PBX3: variants seen among roughly 807,000 people sequenced by gnomAD.
PBX3 encodes the protein pre-B-cell leukemia transcription factor 3.
Under a neutral mutation model 48.5 loss-of-function variants are expected in PBX3, and 14 were observed. That is an observed-to-expected ratio of 0.29 (90% CI 0.19 to 0.45). The LOEUF is 0.45. PBX3 is among the 20% of genes least tolerant of loss of function. PBX3 has a pLI of 1.00. For missense variants in PBX3, 386 were observed against 546.7 expected (o/e 0.71, Z 2.93); for synonymous variants, 210 against 200.3 (o/e 1.05, Z -0.41).
chr9:125,851,204 A>G (rs1275524624), intron 2 of PBX3, among the ~76,000 whole-genome samples: 1 of 152,148 alleles, frequency 6.6e-6, no homozygotes, highest in African/African-American at 2.4e-5. Context: ...CAGTTCCTCT[A>G]TCAGCTAATA....
chr9:125,781,617 G>C (rs1260198816), intron 2 of PBX3, among the ~76,000 whole-genome samples: 1 of 151,720 alleles, frequency 6.6e-6, no homozygotes, highest in Non-Finnish European at 1.5e-5. Flanking sequence ...AGAGGCAGAG[G>C]CAGAACCTGA....
intron 2 of PBX3, among the ~76,000 whole-genome samples, chr9:125,772,684 C>T (rs772962078): frequency 7.9e-5 from 12 of 152,198 alleles, no homozygotes; most frequent in Non-Finnish European, 1.3e-4. Flanking sequence ...AATGTATGTA[C>T]AGGACCTAAT....
chr9:125,811,932 G>C (rs1358464191), intron 2 of PBX3, among the ~76,000 whole-genome samples: 1 of 152,156 alleles, frequency 6.6e-6, no homozygotes, highest in African/African-American at 2.4e-5. Context: ...GTATTAAGGG[G>C]TGGGATCTTT....
chr9:125,918,255 G>T (rs1389618955), intron 3 of PBX3, among the ~76,000 whole-genome samples: 1 of 152,164 alleles, frequency 6.6e-6, no homozygotes, highest in Non-Finnish European at 1.5e-5. Context: ...TGTGAAGCTG[G>T]TGTCAGTCAA....
intron 2 of PBX3, among the ~76,000 whole-genome samples, chr9:125,851,391 T>TA (rs958749145): frequency 2.0e-4 from 31 of 152,176 alleles, no homozygotes; most frequent in South Asian, 4.1e-4. Context: ...ACAGCCTAGG[T>TA]AAAAAAGACA....
At chr9:125,929,944 G>T in intron 4 of PBX3, 99 bp downstream of exon 4, 3 of 860,582 alleles carry the variant, frequency 3.5e-6, no homozygotes, top group Non-Finnish European at 5.6e-6. Context: ...AGATTCTTTT[G>T]GCCATATGAG....
intron 2 of PBX3, among the ~76,000 whole-genome samples, chr9:125,900,907 T>C (rs1840930429): frequency 6.6e-6 from 1 of 151,724 alleles, no homozygotes; most frequent in South Asian, 2.1e-4. Flanking sequence ...GGAGATACTT[T>C]GTTGTTCAAT....
chr9:125,947,577 G>A (rs1842093471), intron 5 of PBX3, among the ~76,000 whole-genome samples: 1 of 151,958 alleles, frequency 6.6e-6, no homozygotes, highest in Middle Eastern at 3.2e-3. Flanking sequence ...TTTAAAATAA[G>A]CAGTCTAAAA....
chr9:125,773,420 G>A (rs1011464263), intron 2 of PBX3, among the ~76,000 whole-genome samples: 4 of 152,108 alleles, frequency 2.6e-5, no homozygotes, highest in African/African-American at 9.7e-5. Context: ...CCTATCTTAT[G>A]TGCTCCAGTA....
chr9:125,770,777 GACA>G (rs1836920924), intron 2 of PBX3, among the ~76,000 whole-genome samples: 1 of 152,124 alleles, frequency 6.6e-6, no homozygotes, highest in African/African-American at 2.4e-5. Context: ...GGAAATATTT[GACA>G]ACATTAGCAA....
chr9:125,935,949 C>T (rs1841826467), intron 5 of PBX3, among the ~76,000 whole-genome samples: 2 of 152,116 alleles, frequency 1.3e-5, no homozygotes, highest in Admixed American at 1.3e-4. Flanking sequence ...GATGACTGAC[C>T]TAAGCTTCTA....
chr9:125,953,237 C>G (rs964413733), intron 5 of PBX3, among the ~76,000 whole-genome samples: 3 of 152,060 alleles, frequency 2.0e-5, no homozygotes, highest in East Asian at 1.9e-4. Flanking sequence ...GGGGCCAGCA[C>G]TTTGGGAGAT....
intron 2 of PBX3, among the ~76,000 whole-genome samples, chr9:125,813,710 T>C (rs903296616): frequency 6.6e-6 from 1 of 152,110 alleles, no homozygotes; most frequent in Non-Finnish European, 1.5e-5. Flanking sequence ...CTTTGCCTTG[T>C]CCTAGCCCTG....
chr9:125,797,398 G>A (rs1243894944), intron 2 of PBX3: 2 of 151,988 alleles, frequency 1.3e-5, no homozygotes, highest in African/African-American at 4.8e-5. Flanking sequence ...TTTTCAGAAT[G>A]TCCTCATTTA....
intron 2 of PBX3, among the ~76,000 whole-genome samples, chr9:125,792,458 T>C (rs976186715): frequency 1.3e-5 from 2 of 151,796 alleles, no homozygotes; most frequent in African/African-American, 4.8e-5. Context: ...AATAGGAAAT[T>C]GACATGATCC....
At chr9:125,844,602 C>T (rs967054392) in intron 2 of PBX3, 5 of 151,958 alleles carry the variant, frequency 3.3e-5, no homozygotes, top group African/African-American at 1.2e-4. Flanking sequence ...CTTTGCATGC[C>T]AGACTATTGT....
At chr9:125,856,420 C>T (rs576763629) in intron 2 of PBX3, among the ~76,000 whole-genome samples, 22 of 152,168 alleles carry the variant, frequency 1.4e-4, no homozygotes, top group African/African-American at 5.3e-4. Flanking sequence ...CCTCAAGCAC[C>T]AGCCCAATTA....
At chr9:125,947,399 C>G (rs916249109) in intron 5 of PBX3, among the ~76,000 whole-genome samples, 2 of 152,038 alleles carry the variant, frequency 1.3e-5, no homozygotes, top group African/African-American at 2.4e-5. Flanking sequence ...AAGACTCTTA[C>G]GTTTTCCGGG....
chr9:125,963,142 G>T, intron 8 of PBX3, 41 bp downstream of exon 8: 2 of 1,091,380 alleles, frequency 1.8e-6, no homozygotes, highest in South Asian at 1.5e-5. Flanking sequence ...AACAGTGTCA[G>T]GTAAACAGTG....
Sources: allele counts gnomAD v4.1 joint callset (sites outside exome capture counted in the v4.1 genomes callset), GRCh38; gene constraint gnomAD v4.1.1; transcripts MANE v1.5; gene names NCBI Gene and HGNC (gene_info 2026-07-23, HGNC 2026-07-21).